Variants in FYN observed in about 807,000 individuals in gnomAD.
The protein encoded by FYN is tyrosine-protein kinase Fyn.
In FYN, 10 loss-of-function variants were observed where a neutral mutation model predicts 70.2. That is an observed-to-expected ratio of 0.14 (90% CI 0.09 to 0.24). The LOEUF (loss-of-function observed/expected upper bound fraction) is 0.24, where lower values mean the gene tolerates loss of function less well. Among genes scored for constraint, FYN ranks in the 10% least tolerant of loss-of-function variants. The probability of loss-of-function intolerance (pLI) is 1.00; values close to 1 mark genes in which losing one functional copy is unlikely to be tolerated. For synonymous variants in FYN, 236 were observed against 248.6 expected (o/e 0.95, Z 0.48); for missense variants, 319 against 673.1 (o/e 0.47, Z 5.82).
chr6:111,686,936 C>T (rs1239144412), intron 12 of FYN, among the ~76,000 whole-genome samples: 1 of 152,222 alleles, frequency 6.6e-6, no homozygotes, highest in Non-Finnish European at 1.5e-5. Context: ...ATTGAATTCA[C>T]AGTTCTGGAT....
chr6:111,765,813 T>TA (rs1803209535), intron 3 of FYN, among the ~76,000 whole-genome samples: 1 of 150,826 alleles, frequency 6.6e-6, no homozygotes, highest in Non-Finnish European at 1.5e-5. Context: ...AGATTAGACT[T>TA]AGACTCTAAG....
intron 2 of FYN, among the ~76,000 whole-genome samples, chr6:111,829,805 T>C (rs1050829719): frequency 1.3e-5 from 2 of 152,186 alleles, no homozygotes; most frequent in Admixed American, 6.5e-5. Context: ...CACGGATACA[T>C]GCATGATTCC....
At chr6:111,724,828 C>T (rs1489167706) in intron 3 of FYN, among the ~76,000 whole-genome samples, 2 of 152,092 alleles carry the variant, frequency 1.3e-5, no homozygotes, top group African/African-American at 2.4e-5. Flanking sequence ...ACATTTGGCC[C>T]GTACTTAGAG....
intron 2 of FYN, among the ~76,000 whole-genome samples, chr6:111,815,092 A>G (rs1236218157): frequency 2.6e-5 from 4 of 152,214 alleles, no homozygotes; most frequent in African/African-American, 4.8e-5. Context: ...ACAGTATTCA[A>G]TAACAGAACT....
intron 2 of FYN, among the ~76,000 whole-genome samples, chr6:111,804,447 G>A (rs1683620820): frequency 6.6e-6 from 1 of 152,124 alleles, no homozygotes; most frequent in Admixed American, 6.5e-5. Flanking sequence ...TTCCACACAG[G>A]AATAGGATGC....
At chr6:111,838,705 A>T (rs1773264191) in intron 2 of FYN, among the ~76,000 whole-genome samples, 1 of 152,258 alleles carries the variant, frequency 6.6e-6, no homozygotes, top group African/African-American at 2.4e-5. Context: ...TGACAGCCAC[A>T]ACTGACCAAA....
chr6:111,683,857 T>A (rs1373568559), intron 12 of FYN, among the ~76,000 whole-genome samples: 2 of 152,124 alleles, frequency 1.3e-5, no homozygotes, highest in African/African-American at 2.4e-5. Context: ...CCTGGAACTT[T>A]GTGGTTATTT....
intron 7 of FYN, among the ~76,000 whole-genome samples, chr6:111,703,525 G>A (rs1583332228): frequency 1.3e-5 from 2 of 152,206 alleles, no homozygotes; most frequent in African/African-American, 4.8e-5. Flanking sequence ...GGCAAATTAA[G>A]CTAGAGGCCA....
chr6:111,731,605 T>A (rs1583376930), intron 3 of FYN, among the ~76,000 whole-genome samples: 1 of 152,216 alleles, frequency 6.6e-6, no homozygotes, highest in Non-Finnish European at 1.5e-5. Flanking sequence ...AACTTTTGCA[T>A]CCCCTGCCGT....
chr6:111,800,486 G>C (rs916493417), intron 2 of FYN, among the ~76,000 whole-genome samples: 3 of 152,142 alleles, frequency 2.0e-5, no homozygotes, highest in African/African-American at 7.2e-5. Flanking sequence ...ATGAGGAAGG[G>C]AGGAAAAGAA....
intron 2 of FYN, among the ~76,000 whole-genome samples, chr6:111,816,814 A>G (rs2114340366): frequency 6.6e-6 from 1 of 152,356 alleles, no homozygotes; most frequent in South Asian, 2.1e-4. Context: ...AGGAGAAAAT[A>G]AAGTATTCAA....
chr6:111,668,748 G>T (rs1044375186), intron 13 of FYN, among the ~76,000 whole-genome samples: 5 of 152,128 alleles, frequency 3.3e-5, no homozygotes, highest in Admixed American at 2.0e-4. Flanking sequence ...TCCAGGCAGG[G>T]TTCCCTCTCT....
At chr6:111,703,637 TATTTAAAAAACA>T (rs1799941543) in intron 7 of FYN, among the ~76,000 whole-genome samples, 1 of 152,188 alleles carries the variant, frequency 6.6e-6, no homozygotes, top group African/African-American at 2.4e-5. Flanking sequence ...AGTCCTCAGT[TATTTAAAAAACA>T]AAAGGAAAGC....
intron 3 of FYN, among the ~76,000 whole-genome samples, chr6:111,733,124 T>C (rs1232110527): frequency 6.6e-6 from 1 of 152,198 alleles, no homozygotes; most frequent in Non-Finnish European, 1.5e-5. Flanking sequence ...TCTGATTACC[T>C]TTGACACAAA....
At chr6:111,764,727 T>C (rs1287744455) in intron 3 of FYN, among the ~76,000 whole-genome samples, 1 of 152,132 alleles carries the variant, frequency 6.6e-6, no homozygotes, top group Non-Finnish European at 1.5e-5. Flanking sequence ...AGCTAAGGGG[T>C]TCCTTTAGTG....
At chr6:111,775,612 C>G (rs900755773) in intron 3 of FYN, among the ~76,000 whole-genome samples, 1 of 152,184 alleles carries the variant, frequency 6.6e-6, no homozygotes, top group African/African-American at 2.4e-5. Context: ...CATACAACCT[C>G]AAATGGAACT....
chr6:111,665,513 G>A (rs1797954110), intron 13 of FYN, among the ~76,000 whole-genome samples: 1 of 152,176 alleles, frequency 6.6e-6, no homozygotes, highest in Non-Finnish European at 1.5e-5. Flanking sequence ...CCTGAGAGGT[G>A]AAGGATAGTG....
chr6:111,753,539 G>A (rs902885539), intron 3 of FYN, among the ~76,000 whole-genome samples: 4 of 151,946 alleles, frequency 2.6e-5, no homozygotes, highest in Admixed American at 6.6e-5. Flanking sequence ...AGGGACAGGA[G>A]TGACAATCTC....
chr6:111,752,856 GGAGGGTGGTGGT>G (rs1014291216), intron 3 of FYN, among the ~76,000 whole-genome samples: 2 of 152,200 alleles, frequency 1.3e-5, no homozygotes, highest in Non-Finnish European at 2.9e-5. Context: ...TCTTGCTTTA[GGAGGGTGGTGGT>G]GAGGGTGGGA....
Sources: gnomAD v4.1 joint callset for allele counts (sites outside exome capture counted in the v4.1 genomes callset) on GRCh38, gnomAD v4.1.1 for gene constraint, MANE v1.5 for transcripts, NCBI Gene and HGNC (gene_info 2026-07-23, HGNC 2026-07-21) for gene names.